Variants in POLR3B observed in about 807,000 individuals in gnomAD.
POLR3B encodes the protein RNA polymerase III subunit B.
POLR3B carries 96 observed loss-of-function variants against 147.4 expected under a neutral mutation model. The observed-to-expected ratio is 0.65, with a 90% CI of 0.55 to 0.77. The LOEUF (loss-of-function observed/expected upper bound fraction) is 0.77, where lower values mean the gene tolerates loss of function less well. Among genes scored for constraint, POLR3B ranks in the 30% least tolerant of loss-of-function variants. POLR3B has a pLI of 0.00. For missense variants in POLR3B, 1,036 were observed against 1,413.5 expected (o/e 0.73, Z 4.28); for synonymous variants, 461 against 485.9 (o/e 0.95, Z 0.67).
intron 23 of POLR3B, among the ~76,000 whole-genome samples, chr12:106,490,869 C>T (rs1565913719): frequency 6.6e-6 from 1 of 152,164 alleles, no homozygotes; most frequent in Non-Finnish European, 1.5e-5. Context: ...GCCCCATTTA[C>T]CACCATATTC....
intron 19 of POLR3B, among the ~76,000 whole-genome samples, chr12:106,447,083 C>G (rs1319829075): frequency 6.6e-6 from 1 of 152,162 alleles, no homozygotes; most frequent in East Asian, 1.9e-4. Flanking sequence ...CATTGCTAAA[C>G]ATTATTTAAA....
chr12:106,399,476 A>G (rs996607564), intron 10 of POLR3B, among the ~76,000 whole-genome samples: 5 of 152,222 alleles, frequency 3.3e-5, no homozygotes, highest in Non-Finnish European at 7.3e-5. Flanking sequence ...AATACAGAGA[A>G]TGCCACAAAG....
chr12:106,433,757 G>A lies in POLR3B; in HGVS notation c.1666G>A (p.Val556Met). ...LGVIRDHKKLVNTFRLMRRAG... is the reference protein window; with the variant it reads ...LGVIRDHKKLMNTFRLMRRAG... ...TGTCATTCGAGACCACAAAAAGCTA[G>A]TGAATACATTTCGACTCATGAGAAG... The change falls in exon 16 of 28, where the codon GTG becomes ATG. Residue 556 changes from valine (V) to methionine (M), a missense_variant. Physicochemically the swap from Val to Met is conservative, Grantham distance 21 (BLOSUM62 1). Around this residue, in one of 12 missense-constraint regions of POLR3B, gnomAD observed 177 missense variants for 232.7 expected, o/e 0.76. Transcript: ENST00000228347. 1 of 1,613,644 alleles carries A rather than the reference G, an allele frequency of 6.2e-7. No homozygotes were observed. The highest frequency in any genetic ancestry group is 8.5e-7 in the Non-Finnish European group (1 of 1,179,726).
intron 23 of POLR3B, among the ~76,000 whole-genome samples, chr12:106,490,262 G>C (rs762233410): frequency 6.6e-6 from 1 of 152,142 alleles, no homozygotes; most frequent in East Asian, 1.9e-4. Context: ...ACATTCAGCC[G>C]TGTGTATTTT....
chr12:106,507,338 A>G (rs1333750327), intron 27 of POLR3B, among the ~76,000 whole-genome samples: 2 of 152,214 alleles, frequency 1.3e-5, no homozygotes, highest in Non-Finnish European at 2.9e-5. Flanking sequence ...GAACATTTTA[A>G]ATGATGGAGA....
intron 4 of POLR3B, 112 bp from the exon 5 acceptor site, chr12:106,369,163 C>G (rs1593001357): frequency 1.3e-6 from 1 of 763,296 alleles, no homozygotes; most frequent in African/African-American, 1.7e-5. Flanking sequence ...GTCATCCTTA[C>G]CAAGATAAGC....
intron 16 of POLR3B, among the ~76,000 whole-genome samples, chr12:106,436,390 G>T (rs1321214721): frequency 2.0e-5 from 3 of 152,182 alleles, no homozygotes; most frequent in African/African-American, 7.2e-5. Flanking sequence ...CTGCCAGAAT[G>T]CCTTCTCCAC....
intron 21 of POLR3B, 115 bp from the exon 22 acceptor site, chr12:106,459,136 A>G (rs2037902703): frequency 5.5e-6 from 4 of 732,568 alleles, no homozygotes; most frequent in Non-Finnish European, 1.0e-5. Flanking sequence ...CAGTCCTCCT[A>G]CCGCAGCCTC....
Position 106,410,883 on chromosome 12 carries a change from G to C in POLR3B, c.1024G>C (p.Val342Leu). Residue 342 changes from valine (V) to leucine (L), a missense_variant, in exon 12 of 28, where the codon GTT becomes CTT. Physicochemically the swap from Val to Leu is conservative, Grantham distance 32 (BLOSUM62 1). Coordinates refer to ENST00000228347, the MANE Select transcript of POLR3B (RefSeq NM_018082.6). ...CTATACTGCAGTGATGGTGCGAAGA[G>C]TTATTCTGGCCCAAGGAGATAATAA... The part of the protein sequence containing the change: ...CIYTAVMVRR[V>L]ILAQGDNKVD... 3 of 1,613,790 alleles carry C rather than the reference G, an allele frequency of 1.9e-6. No individual in the cohort carries two copies. The highest frequency in any genetic ancestry group is 2.5e-6 in the Non-Finnish European group (3 of 1,179,728).
At chr12:106,486,377 A>G (rs2038340402) in intron 23 of POLR3B, among the ~76,000 whole-genome samples, 1 of 150,920 alleles carries the variant, frequency 6.6e-6, no homozygotes, top group East Asian at 2.0e-4. Context: ...TGGTGCTGGC[A>G]GAGCCCACAT....
chr12:106,410,649 A>G (rs1375640868), intron 11 of POLR3B, 177 bp from the exon 12 acceptor site: 2 of 639,296 alleles, frequency 3.1e-6, no homozygotes, highest in East Asian at 5.6e-5. Context: ...GACAATGATG[A>G]AAAGTCATCA....
At chr12:106,495,444 A>C (rs960539006) in intron 23 of POLR3B, among the ~76,000 whole-genome samples, 1 of 152,222 alleles carries the variant, frequency 6.6e-6, no homozygotes, top group Non-Finnish European at 1.5e-5. Context: ...AGCTATAGGA[A>C]TTAAAATTCC....
chr12:106,399,457 A>G (rs1229976293), intron 10 of POLR3B, among the ~76,000 whole-genome samples: 3 of 152,212 alleles, frequency 2.0e-5, no homozygotes, highest in African/African-American at 7.2e-5. Context: ...CCAACATTCA[A>G]ATTCAGGAAA....
chr12:106,437,444 A>G (rs188689733), intron 17 of POLR3B, among the ~76,000 whole-genome samples: 1 of 152,042 alleles, frequency 6.6e-6, no homozygotes, highest in African/African-American at 2.4e-5. Context: ...TTTTTTTTTA[A>G]GAAGTGGGGA....
At chr12:106,501,917 G>T (rs1411273743) in intron 26 of POLR3B, among the ~76,000 whole-genome samples, 2 of 152,202 alleles carry the variant, frequency 1.3e-5, no homozygotes, top group Non-Finnish European at 2.9e-5. Context: ...GCTAGAGGAG[G>T]TTAGGGGCCA....
rs141841203 is a variant in POLR3B, at chr12:106,492,257, T to A, written c.2714-3798T>A. Among the ~76,000 whole-genome samples the A allele has an allele frequency of 1.6e-3, 244 of 152,266 alleles. 1 individual carries two copies. Among genetic ancestry groups the A allele is most frequent in the African/African-American group, 5.4e-3 (225 of 41,546 alleles). The stretch of plus-strand genomic sequence containing the variant: ...CCAAAAATGACTTGAATATGTCAGT[T>A]GCTGTTTAGAATTAGGAATACTTTT... On this transcript the variant is annotated intron_variant, in intron 23 of 27. Coordinates refer to ENST00000228347, the MANE Select transcript of POLR3B (RefSeq NM_018082.6).
intron 9 of POLR3B, among the ~76,000 whole-genome samples, chr12:106,383,101 C>A (rs565143821): frequency 6.6e-6 from 1 of 152,288 alleles, no homozygotes; most frequent in South Asian, 2.1e-4. Flanking sequence ...ATGAACCAAC[C>A]TCTGCTAGTT....
At chr12:106,402,050 T>C (rs1013999087) in intron 10 of POLR3B, among the ~76,000 whole-genome samples, 1 of 152,102 alleles carries the variant, frequency 6.6e-6, no homozygotes, top group African/African-American at 2.4e-5. Context: ...CATGATTGTA[T>C]ATCTAGAAAA....
chr12:106,490,301 A>G (rs192352544), intron 23 of POLR3B, among the ~76,000 whole-genome samples: 10 of 152,290 alleles, frequency 6.6e-5, no homozygotes, highest in Middle Eastern at 3.4e-3. Flanking sequence ...TTGTTTTACA[A>G]TAGTTGCTTG....
Sources: gnomAD v4.1 joint callset for allele counts (sites outside exome capture counted in the v4.1 genomes callset) on GRCh38, gnomAD v4.1.1 for gene constraint, gnomAD v4.1.1 regional missense constraint, MANE v1.5 for transcripts, NCBI Gene and HGNC (gene_info 2026-07-23, HGNC 2026-07-21) for gene names.